The following ALDH16A1 variants were observed in gnomAD, a reference collection of about 807,000 sequenced individuals.
ALDH16A1 encodes the protein aldehyde dehydrogenase 16 family member A1.
In ALDH16A1, 88 loss-of-function variants were observed where a neutral mutation model predicts 96.1. The observed-to-expected ratio is 0.92, with a 90% CI of 0.77 to 1.09. The LOEUF is 1.09. ALDH16A1 is among the 50% of genes least tolerant of loss of function. ALDH16A1 has a pLI of 0.00. For missense variants in ALDH16A1, 1,250 were observed against 1,112.6 expected (o/e 1.12, Z -1.76); for synonymous variants, 522 against 496.4 (o/e 1.05, Z -0.69).
Position 49,464,532 on chromosome 19 carries a change from T to A in ALDH16A1, c.1437+10T>A. On this transcript the variant is annotated intron_variant, in intron 11 of 16. Coordinates refer to ENST00000293350, the MANE Select transcript of ALDH16A1 (RefSeq NM_153329.4). Reference sequence around the variant, plus strand: ...GCACGGGGGCCCAGACGTGAGTACATCCCCTCCCCGTCACCAGCCCCCCCG... The same window carrying A: ...GCACGGGGGCCCAGACGTGAGTACAACCCCTCCCCGTCACCAGCCCCCCCG... 1 of 1,613,232 alleles carries A rather than the reference T, an allele frequency of 6.2e-7. No individual in the cohort carries two copies. The highest frequency in any genetic ancestry group is 8.5e-7 in the Non-Finnish European group (1 of 1,179,642).
chr19:49,470,461 G>A lies in ALDH16A1; in HGVS notation c.2403G>A (p.Gly801=), dbSNP rs760965049. Residue 801 remains glycine (G), a synonymous_variant, in exon 17 of 17, where the codon GGG becomes GGA. Coordinates refer to ENST00000293350, the MANE Select transcript of ALDH16A1 (RefSeq NM_153329.4). ...ARTKALWLPM[G]D ...CCAAGGCCCTGTGGCTGCCTATGGG[G>A]GACTGATGCCTGAGCGCCACCTACT... 6.4e-7 allele frequency: 1 copy of A among 1,572,372 alleles called. No homozygotes were observed. The highest frequency in any genetic ancestry group is 8.6e-7 in the Non-Finnish European group (1 of 1,161,738).
rs747249712 is a variant in ALDH16A1, at chr19:49,462,655, GC to G, written c.1000del (p.Arg334GlufsTer168). 1 of 1,612,230 alleles carries G rather than the reference GC, an allele frequency of 6.2e-7. No individual in the cohort carries two copies. Among genetic ancestry groups the G allele is most frequent in the South Asian group, 1.1e-5 (1 of 90,996 alleles). On this transcript the variant is annotated frameshift_variant, in exon 8 of 17. Transcript: ENST00000293350. LOFTEE classifies it high-confidence loss of function. ...GAGCGGATGGGGCGGCTTCGGAGTG[GC>G]CGAGGGCTGGATGGGGCCGTGGACA... ...LQERMGRLRS[G>X]RGLDGAVDMG...
chr19:49,453,309 G>C lies in ALDH16A1; in HGVS notation c.-23G>C, dbSNP rs985345983. ...TAACACAGAGCGCCCCGCAGTCTTC[G>C]CGGAAAGCGTTCGGGGTAGGCGATG... is the stretch of plus-strand genomic sequence containing the variant. On this transcript the variant is annotated 5_prime_UTR_variant, in exon 1 of 17. Coordinates refer to ENST00000293350, the MANE Select transcript of ALDH16A1 (RefSeq NM_153329.4). 2.6e-6 allele frequency: 4 copies of C among 1,539,586 alleles called. No individual in the cohort carries two copies. Among genetic ancestry groups the C allele is most frequent in the Non-Finnish European group, 3.5e-6 (4 of 1,143,310 alleles).
rs569632089 is a variant in ALDH16A1, at chr19:49,462,121, A to G, written c.912+85A>G. ...TCTTCGGGGTCCCGAGTCTCTGTTC[A>G]TTTTATTTTATTTTATTTTATTTAT... On this transcript the variant is annotated intron_variant, in intron 7 of 16. Coordinates refer to ENST00000293350, the MANE Select transcript of ALDH16A1 (RefSeq NM_153329.4). 136 of 1,366,788 alleles carry G rather than the reference A, an allele frequency of 1.0e-4. 1 individual carries two copies. In the South Asian group the frequency reaches 1.9e-3, roughly 19 times the overall value. 84.7% of individuals were successfully genotyped at this position (1,366,788 alleles called of 1,614,324 possible).
Position 49,468,505 on chromosome 19 carries a change from G to C in ALDH16A1, c.2063G>C (p.Gly688Ala). ...VSLLAPALAY[G>A]NTVVMVPSAA... ...CTGCTGGCTCCCGCCCTGGCCTACGGCAACACTGTGGTCATGGTGCCCAGT... is the reference window on the plus strand; with the variant it reads ...CTGCTGGCTCCCGCCCTGGCCTACGCCAACACTGTGGTCATGGTGCCCAGT... The change falls in exon 15 of 17, where the codon GGC becomes GCC. Residue 688 changes from glycine (G) to alanine (A), a missense_variant. By Grantham distance (60) the Gly-to-Ala change is moderately conservative. Coordinates refer to ENST00000293350, the MANE Select transcript of ALDH16A1 (RefSeq NM_153329.4). This position sits in a 1 kb window ranked among gnomAD's most constrained non-coding sequence, Gnocchi z 4.4. 1 of 1,604,108 alleles carries C rather than the reference G, an allele frequency of 6.2e-7. No homozygotes were observed. The highest frequency in any genetic ancestry group is 8.5e-7 in the Non-Finnish European group (1 of 1,179,928).
rs753479221 is a variant in ALDH16A1 at position 49,470,395 on chromosome 19, C to T, written c.2337C>T (p.Ala779=). 12 of 1,612,106 alleles carry T rather than the reference C, an allele frequency of 7.4e-6. No homozygotes were observed. Among genetic ancestry groups the T allele is most frequent in the South Asian group, 5.5e-5 (5 of 91,000 alleles). ...RGCPRAWDQE[A]EGAGPELGLR... ...GCCCGCGGGCCTGGGACCAGGAGGC[C>T]GAGGGGGCAGGCCCAGAGCTGGGGC... is the stretch of plus-strand genomic sequence containing the variant. The change falls in exon 17 of 17, where the codon GCC becomes GCT. Residue 779 remains alanine (A), a synonymous_variant. Transcript: ENST00000293350.
Position 49,464,770 on chromosome 19 carries a change from G to A in ALDH16A1, c.1568+8G>A, listed in dbSNP as rs564414489. ...GCCTGAAATAGGGCCCAGGTGAGTC[G>A]TTGGGGGCCAGTGGTCTGGGAGTGT... is the stretch of plus-strand genomic sequence containing the variant. On this transcript the variant is annotated splice_region_variant and intron_variant, in intron 12 of 16. Transcript: ENST00000293350. The A allele has an allele frequency of 2.0e-5, 33 of 1,613,824 alleles. 1 individual carries two copies. Among genetic ancestry groups the A allele is most frequent in the South Asian group, 9.9e-5 (9 of 91,084 alleles).
At chr19:49,462,120 CATTTT>C (rs561468033) in intron 7 of ALDH16A1, 84 bp downstream of exon 7, 55 of 1,415,348 alleles carry the variant, frequency 3.9e-5, no homozygotes, top group African/African-American at 6.0e-5. Context: ...AGTCTCTGTT[CATTTT>C]ATTTTATTTT....
At chr19:49,457,269 C>T (rs991008550) in intron 1 of ALDH16A1, among the ~76,000 whole-genome samples, 16 of 151,786 alleles carry the variant, frequency 1.1e-4, no homozygotes, top group African/African-American at 3.1e-4. Flanking sequence ...AGGAGAAGTC[C>T]GGGCGCAGTG....
chr19:49,458,927 C>A, intron 2 of ALDH16A1, 33 bp from the exon 3 acceptor site: 1 of 1,602,100 alleles, frequency 6.2e-7, no homozygotes, highest in Non-Finnish European at 8.5e-7. Flanking sequence ...TGGGCTACTC[C>A]TCCCATCTGA....
At position 49,453,389 on chromosome 19, in the gene ALDH16A1, G is replaced by T. The variant is rs537615242; in HGVS notation, c.58G>T (p.Gly20Ter). ...CGAGATCTTCACCTCGCTGGAGTAC[G>T]GACCGGTGCCGGAGAGCCACGCATG... ...AREIFTSLEY[G>*]PVPESHACAL... is the part of the protein sequence containing the mutation. The change falls in exon 1 of 17, where the codon GGA becomes TGA. Residue 20 changes from glycine (G) to a stop codon, truncating the protein, a stop_gained. Transcript: ENST00000293350. LOFTEE classifies it high-confidence loss of function. The T allele has an allele frequency of 1.4e-5, 22 of 1,563,896 alleles. No individual in the cohort carries two copies. In the Admixed American group the frequency reaches 1.7e-4, roughly 12 times the overall value.
At chr19:49,469,018 A>C (rs762018631) in intron 16 of ALDH16A1, 32 bp downstream of exon 16, 29 of 1,585,026 alleles carry the variant, frequency 1.8e-5, no homozygotes, top group Non-Finnish European at 2.3e-5. Context: ...CATCTTCAGC[A>C]TCTCAAACTT....
chr19:49,453,978 C>G (rs35116315), intron 1 of ALDH16A1, among the ~76,000 whole-genome samples: 6 of 151,212 alleles, frequency 4.0e-5, no homozygotes, highest in African/African-American at 1.5e-4. Context: ...CATCGGAACT[C>G]TCAGGAGCCT....
At chr19:49,458,936 G>C in intron 2 of ALDH16A1, 24 bp from the exon 3 acceptor site, 1 of 1,604,586 alleles carries the variant, frequency 6.2e-7, no homozygotes, top group Non-Finnish European at 8.5e-7. Context: ...CCTCCCATCT[G>C]AGTCCCCCCA....
At chr19:49,466,322 G>T (rs114336141) in intron 14 of ALDH16A1, 39 bp downstream of exon 14, 3 of 1,424,150 alleles carry the variant, frequency 2.1e-6, no homozygotes, top group Non-Finnish European at 2.7e-6. Context: ...CTGGGCAGGC[G>T]GGGTGGGGCT....
intron 1 of ALDH16A1, 24 bp downstream of exon 1, chr19:49,453,445 T>C (rs2079084225): frequency 2.0e-6 from 3 of 1,511,594 alleles, no homozygotes; most frequent in South Asian, 1.2e-5. Flanking sequence ...CGGCCGGCGC[T>C]GCTCGCTGCG....
chr19:49,458,870 T>G, intron 2 of ALDH16A1, 90 bp from the exon 3 acceptor site: 1 of 1,518,322 alleles, frequency 6.6e-7, no homozygotes, highest in Non-Finnish European at 9.0e-7. Flanking sequence ...TTTACACTCT[T>G]GGGCTGATCC....
Position 49,461,782 on chromosome 19 carries a change from C to G in ALDH16A1, c.741C>G (p.Ala247=), listed in dbSNP as rs773296069. 1.2e-5 allele frequency: 19 copies of G among 1,611,252 alleles called. No individual in the cohort carries two copies. Among genetic ancestry groups the G allele is most frequent in the Non-Finnish European group, 1.5e-5 (18 of 1,178,892 alleles). Residue 247 remains alanine, a synonymous_variant, in exon 6 of 17, where the codon GCC becomes GCG. Coordinates refer to ENST00000293350, the MANE Select transcript of ALDH16A1 (RefSeq NM_153329.4). ...LASQPGIRKV[A]FCGAPEEGRA... ...CCCAGCCTGGAATCCGGAAGGTGGC[C>G]TTCTGCGGAGCCCCGGAGGTACCTT...
At chr19:49,466,056 C>A (rs1190530064) in intron 13 of ALDH16A1, 26 bp from the exon 14 acceptor site, 8 of 1,539,298 alleles carry the variant, frequency 5.2e-6, no homozygotes, top group East Asian at 2.4e-5. Context: ...GGATGCCAAC[C>A]CCCACTGTGC....
Sources: gnomAD v4.1 joint callset for allele counts (sites outside exome capture counted in the v4.1 genomes callset) on GRCh38, gnomAD v4.1.1 for gene constraint, Gnocchi (gnomAD v3.1) non-coding constraint, MANE v1.5 for transcripts, NCBI Gene and HGNC (gene_info 2026-07-23, HGNC 2026-07-21) for gene names.